Variants in ADA observed in about 807,000 individuals in gnomAD.
ADA encodes the protein adenosine aminohydrolase.
A neutral mutation model predicts 49.0 loss-of-function variants in ADA; 45 were observed. The observed-to-expected ratio is 0.92, with a 90% CI of 0.72 to 1.18. The LOEUF is 1.18. ADA is among the 50% of genes most tolerant of loss of function. ADA has a pLI of 0.00. For synonymous variants in ADA, 173 were observed against 184.2 expected (o/e 0.94, Z 0.49); for missense variants, 445 against 472.5 (o/e 0.94, Z 0.54).
At chr20:44,621,225 G>A (rs946016092) in intron 9 of ADA, 78 bp from the exon 10 acceptor site, 5 of 1,574,978 alleles carry the variant, frequency 3.2e-6, no homozygotes, top group Middle Eastern at 1.7e-4. Context: ...ACGTTCACCC[G>A]CCTTTGATCC....
At chr20:44,646,020 A>T (rs2065588343) in intron 1 of ADA, among the ~76,000 whole-genome samples, 1 of 152,102 alleles carries the variant, frequency 6.6e-6, no homozygotes, top group Admixed American at 6.5e-5. Flanking sequence ...CTGCGCCCAC[A>T]GCCTGCTCCT....
chr20:44,639,230 T>C (rs1180746518), intron 1 of ADA, among the ~76,000 whole-genome samples: 1 of 151,448 alleles, frequency 6.6e-6, no homozygotes, highest in African/African-American at 2.4e-5. Flanking sequence ...GAAAAACAGG[T>C]GGATAGAAAG....
At chr20:44,641,461 G>A (rs758881611) in intron 1 of ADA, among the ~76,000 whole-genome samples, 4 of 150,490 alleles carry the variant, frequency 2.7e-5, no homozygotes, top group Non-Finnish European at 6.0e-5. Flanking sequence ...AGCCTTGGAG[G>A]GGGCAGGACG....
intron 9 of ADA, 34 bp from the exon 10 acceptor site, chr20:44,621,181 C>CT: frequency 6.2e-7 from 1 of 1,613,958 alleles, no homozygotes; most frequent in Admixed American, 1.7e-5. Context: ...AATCAGCCTC[C>CT]TTTTACTCTT....
chr20:44,630,132 G>A (rs1366154261), intron 2 of ADA, among the ~76,000 whole-genome samples: 1 of 151,980 alleles, frequency 6.6e-6, no homozygotes, highest in Non-Finnish European at 1.5e-5. Flanking sequence ...GGATCATGAG[G>A]TCAGGAGATT....
chr20:44,620,671 G>A (rs1326831147), intron 10 of ADA: 12 of 570,216 alleles, frequency 2.1e-5, no homozygotes, highest in Non-Finnish European at 2.8e-5. Flanking sequence ...GAGACACCTC[G>A]CAGACACGTG....
chr20:44,638,593 G>A (rs771263669), intron 1 of ADA, among the ~76,000 whole-genome samples: 22 of 152,018 alleles, frequency 1.4e-4, no homozygotes, highest in Non-Finnish European at 2.9e-4. Context: ...TAAAAAATAA[G>A]AATAAAATAA....
intron 1 of ADA, among the ~76,000 whole-genome samples, chr20:44,637,509 T>C (rs2047884257): frequency 6.6e-6 from 1 of 152,100 alleles, no homozygotes; most frequent in South Asian, 2.1e-4. Flanking sequence ...TTCCAAATGA[T>C]GGAAGCTTTC....
intron 1 of ADA, among the ~76,000 whole-genome samples, chr20:44,647,102 C>T (rs559163598): frequency 6.6e-6 from 1 of 152,128 alleles, no homozygotes; most frequent in African/African-American, 2.4e-5. Flanking sequence ...CTGATTTAGC[C>T]CCAATTCCCC....
intron 1 of ADA, among the ~76,000 whole-genome samples, chr20:44,647,716 G>A (rs971414302): frequency 1.3e-5 from 2 of 151,938 alleles, no homozygotes; most frequent in African/African-American, 2.4e-5. Flanking sequence ...TCAGGAGTTC[G>A]AGACCAGCTG....
intron 1 of ADA, among the ~76,000 whole-genome samples, chr20:44,646,015 C>A (rs1310326136): frequency 6.6e-6 from 1 of 152,142 alleles, no homozygotes; most frequent in Non-Finnish European, 1.5e-5. Flanking sequence ...TCACTCTGCG[C>A]CCACAGCCTG....
intron 6 of ADA, among the ~76,000 whole-genome samples, chr20:44,623,282 G>A (rs906619888): frequency 1.3e-5 from 2 of 152,242 alleles, no homozygotes; most frequent in African/African-American, 4.8e-5. Flanking sequence ...GGTAGTATAT[G>A]AAGTGACTTG....
chr20:44,623,157 T>C lies in ADA; in HGVS notation c.607-79A>G, dbSNP rs75331802. Reference sequence around the variant, plus strand: ...CCCTGCCTTGACCATGCTGTGGAGATTGAACCATCCTAGTCATGCTGCCTG... The same window carrying C: ...CCCTGCCTTGACCATGCTGTGGAGACTGAACCATCCTAGTCATGCTGCCTG... On this transcript the variant is annotated intron_variant, in intron 6 of 11. Transcript: ENST00000372874. 1,993 of 1,600,566 alleles carry C rather than the reference T, an allele frequency of 1.2e-3. 25 individuals are homozygous for C. In the African/African-American group the frequency reaches 0.023, roughly 19 times the overall value.
At chr20:44,635,056 T>TA (rs1215061390) in intron 2 of ADA, among the ~76,000 whole-genome samples, 1 of 152,184 alleles carries the variant, frequency 6.6e-6, no homozygotes, top group Non-Finnish European at 1.5e-5. Context: ...CCTCAGTTGA[T>TA]AGAGACCAAG....
rs762213530 is a variant in ADA at position 44,629,053 on chromosome 20, G to A, written c.212C>T (p.Ala71Val). Residue 71 changes from alanine to valine, a missense_variant, in exon 3 of 12, where the codon GCT (alanine) becomes GTT (valine). Ala to Val is a moderately conservative substitution (Grantham distance 64). Coordinates refer to ENST00000372874, the MANE Select transcript of ADA (RefSeq NM_000022.4). ...TGGGTTGGGGGCAACTCACGCGATAGCAGGCATGTAGTAGTCAAACTTGGC... is the reference window on the plus strand; with the variant it reads ...TGGGTTGGGGGCAACTCACGCGATAACAGGCATGTAGTAGTCAAACTTGGC... Reference protein sequence around the residue: ...FLAKFDYYMPAIAGCREAIKR... With the variant: ...FLAKFDYYMPVIAGCREAIKR... 1 of 1,614,194 alleles carries A rather than the reference G, an allele frequency of 6.2e-7. No individual in the cohort carries two copies.
chr20:44,632,492 A>G (rs1380007951), intron 2 of ADA, among the ~76,000 whole-genome samples: 1 of 152,200 alleles, frequency 6.6e-6, no homozygotes, highest in Non-Finnish European at 1.5e-5. Flanking sequence ...GGGGCCCGAC[A>G]GGAGACAAAG....
At chr20:44,620,163 G>A in intron 11 of ADA, 136 bp downstream of exon 11, 1 of 859,000 alleles carries the variant, frequency 1.2e-6, no homozygotes. Context: ...CTCCCAGCCA[G>A]GGCCCAGAAA....
At position 44,621,135 on chromosome 20, in the gene ADA, G is replaced by T. The variant is rs752147539; in HGVS notation, c.858C>A (p.Asp286Glu). The T allele has an allele frequency of 3.1e-6, 5 of 1,614,106 alleles. No individual in the cohort carries two copies. Among genetic ancestry groups the T allele is most frequent in the Non-Finnish European group, 4.2e-6 (5 of 1,180,020 alleles). Residue 286 changes from aspartate (D) to glutamate (E), a missense_variant, in exon 10 of 12, where the codon GAC (aspartate) becomes GAA (glutamate). Coordinates refer to ENST00000372874, the MANE Select transcript of ADA (RefSeq NM_000022.4). Reference protein sequence around the residue: ...TEHAVIRLKNDQANYSLNTDD... With the variant: ...TEHAVIRLKNEQANYSLNTDD... ...CTGTGTTGAGCGAGTAGTTAGCCTG[G>T]TCATTTTTGAGCCTGCAGAAGAGGG...
At chr20:44,624,416 C>T in intron 5 of ADA, 87 bp from the exon 6 acceptor site, 1 of 1,579,256 alleles carries the variant, frequency 6.3e-7, no homozygotes, top group East Asian at 2.2e-5. Flanking sequence ...ACCCAAACCC[C>T]CCATGGGAGG....
Sources: allele counts gnomAD v4.1 joint callset (sites outside exome capture counted in the v4.1 genomes callset), GRCh38; gene constraint gnomAD v4.1.1; transcripts MANE v1.5; gene names NCBI Gene and HGNC (gene_info 2026-07-23, HGNC 2026-07-21).